AKAP13: variants seen among roughly 807,000 people sequenced by gnomAD.
The protein encoded by AKAP13 is A-kinase anchoring protein 13, also known as A-kinase anchor protein 13.
A neutral mutation model predicts 264.5 loss-of-function variants in AKAP13; 80 were observed. The observed-to-expected ratio is 0.30, with a 90% CI of 0.25 to 0.36. The LOEUF is 0.36. Ranked by LOEUF, AKAP13 falls within the 10% of genes least tolerant of loss-of-function variation. The pLI, the probability that AKAP13 is intolerant of heterozygous loss-of-function variation, is 1.00. For missense variants in AKAP13, 3,712 were observed against 3,435.2 expected, an observed-to-expected ratio of 1.08 and a Z score of -2.01; for synonymous variants, 1,380 against 1,250.2, an observed-to-expected ratio of 1.10 and a Z score of -2.19.
chr15:85,586,460 T>A (rs934496477), intron 8 of AKAP13, among the ~76,000 whole-genome samples: 1 of 152,140 alleles, frequency 6.6e-6, no homozygotes, highest in African/African-American at 2.4e-5. Flanking sequence ...TGCCTCAGCC[T>A]CCCAAAGTGC....
At chr15:85,535,745 A>G (rs1045302280) in intron 4 of AKAP13, 6 of 151,110 alleles carry the variant, frequency 4.0e-5, no homozygotes, top group African/African-American at 1.2e-4. Context: ...AAAAACAACT[A>G]TTAGAAAAAG....
chr15:85,707,584 T>G (rs2086369784), intron 17 of AKAP13, among the ~76,000 whole-genome samples: 1 of 152,256 alleles, frequency 6.6e-6, no homozygotes, highest in Non-Finnish European at 1.5e-5. Flanking sequence ...AATTTAGACT[T>G]ACACATTGAT....
intron 5 of AKAP13, among the ~76,000 whole-genome samples, chr15:85,560,066 GTCATGGTTTATTACTCCTGTGT>G (rs1298732640): frequency 7.1e-6 from 1 of 141,436 alleles, no homozygotes; most frequent in Non-Finnish European, 1.5e-5. Flanking sequence ...AGATGTCTGC[GTCATGGTTTATTACTCCTGTGT>G]TCGTTTCAAG....
At chr15:85,615,890 A>T (rs1471381337) in intron 8 of AKAP13, among the ~76,000 whole-genome samples, 1 of 152,200 alleles carries the variant, frequency 6.6e-6, no homozygotes, top group Non-Finnish European at 1.5e-5. Context: ...TAATTTTTCC[A>T]TTCTGGAAAT....
rs937952660 is a variant in AKAP13 at position 85,483,559 on chromosome 15, G to C, written c.-11-2151G>C. On this transcript the variant is annotated intron_variant, in intron 1 of 36. Transcript: ENST00000394518. Reference sequence around the variant, plus strand: ...GATAATGGCGTGAACCCGGGAAGCGGAGCTTGCAGTGAGCCGAGATTGCGC... The same window carrying C: ...GATAATGGCGTGAACCCGGGAAGCGCAGCTTGCAGTGAGCCGAGATTGCGC... 1.2e-4 allele frequency among the ~76,000 whole-genome samples: 17 copies of C among 147,598 alleles called. 1 individual carries two copies. Among genetic ancestry groups the C allele is most frequent in the Admixed American group, 1.1e-3 (17 of 14,912 alleles).
At chr15:85,567,201 G>A (rs35687469) in intron 5 of AKAP13, among the ~76,000 whole-genome samples, 29,787 of 151,496 alleles carry the variant, frequency 0.2, 3,323 homozygotes, top group East Asian at 0.35. Context: ...TCCACCTCCC[G>A]GGTTCAAACG....
chr15:85,591,216 A>G lies in AKAP13; in HGVS notation c.4161+5393A>G, dbSNP rs1472628133. On this transcript the variant is annotated intron_variant, in intron 8 of 36. Coordinates refer to ENST00000394518, the MANE Select transcript of AKAP13 (RefSeq NM_007200.5). Reference sequence around the variant, plus strand: ...TCAGCTGGACTAGAACCCAATTTCTATGTGAATAATTTTTCCCATTATACT... The same window carrying G: ...TCAGCTGGACTAGAACCCAATTTCTGTGTGAATAATTTTTCCCATTATACT... Among the ~76,000 whole-genome samples the G allele has an allele frequency of 5.2e-4, 10 of 19,242 alleles. No homozygotes were observed. In the Middle Eastern group the frequency reaches 0.078, roughly 150 times the overall value. The allele number at this position is 19,242 out of a possible 152,430, so 12.6% of individuals were successfully genotyped here.
chr15:85,489,646 A>T (rs912798502), intron 2 of AKAP13, among the ~76,000 whole-genome samples: 10 of 152,170 alleles, frequency 6.6e-5, no homozygotes, highest in African/African-American at 2.2e-4. Flanking sequence ...AGAAGGGAGA[A>T]TATTGCTGCT....
At chr15:85,405,281 A>G (rs2071610026) in intron 1 of AKAP13, among the ~76,000 whole-genome samples, 1 of 152,152 alleles carries the variant, frequency 6.6e-6, no homozygotes, top group African/African-American at 2.4e-5. Flanking sequence ...TTTACTAAAG[A>G]GCTTTGAACT....
chr15:85,412,572 T>G (rs2072028397), intron 1 of AKAP13, among the ~76,000 whole-genome samples: 1 of 152,232 alleles, frequency 6.6e-6, no homozygotes, highest in African/African-American at 2.4e-5. Flanking sequence ...ATTTTATAAA[T>G]TTTTCAGTTT....
chr15:85,404,927 G>A (rs1467647917), intron 1 of AKAP13, among the ~76,000 whole-genome samples: 1 of 152,116 alleles, frequency 6.6e-6, no homozygotes, highest in Non-Finnish European at 1.5e-5. Context: ...CATTGTGTGT[G>A]TTCATTCTTA....
chr15:85,610,374 T>G (rs2080551024), intron 8 of AKAP13, among the ~76,000 whole-genome samples: 2 of 152,222 alleles, frequency 1.3e-5, no homozygotes, highest in Non-Finnish European at 2.9e-5. Flanking sequence ...ATGAAACCTT[T>G]GTTCATATTC....
intron 1 of AKAP13, among the ~76,000 whole-genome samples, chr15:85,455,537 T>A (rs1331995343): frequency 1.3e-5 from 2 of 152,166 alleles, no homozygotes; most frequent in African/African-American, 4.8e-5. Flanking sequence ...CAACTCACAT[T>A]TCTTCAGTTT....
intron 8 of AKAP13, among the ~76,000 whole-genome samples, chr15:85,612,525 A>G (rs1015050021): frequency 6.6e-6 from 1 of 152,194 alleles, no homozygotes; most frequent in African/African-American, 2.4e-5. Flanking sequence ...TGGTATAGTT[A>G]TCATGTTTAA....
At chr15:85,692,310 G>A (rs1193577383) in intron 16 of AKAP13, among the ~76,000 whole-genome samples, 1 of 152,184 alleles carries the variant, frequency 6.6e-6, no homozygotes, top group Non-Finnish European at 1.5e-5. Context: ...TATTCACTGT[G>A]TGCCAGGCAC....
chr15:85,388,617 AATC>A (rs1171867639), intron 1 of AKAP13, among the ~76,000 whole-genome samples: 1 of 152,198 alleles, frequency 6.6e-6, no homozygotes, highest in Non-Finnish European at 1.5e-5. Context: ...TTATTGACAT[AATC>A]ATATGTTTTT....
intron 19 of AKAP13, among the ~76,000 whole-genome samples, chr15:85,713,065 C>A (rs1359575030): frequency 6.6e-6 from 1 of 152,142 alleles, no homozygotes; most frequent in Non-Finnish European, 1.5e-5. Context: ...CAGATCATAC[C>A]TATAAAGTAC....
chr15:85,426,962 T>G (rs1021658615), intron 1 of AKAP13, among the ~76,000 whole-genome samples: 13 of 148,964 alleles, frequency 8.7e-5, no homozygotes, highest in African/African-American at 3.2e-4. Flanking sequence ...TTTGTTTTTT[T>G]TTTTTTTTTT....
At chr15:85,563,072 TAGATC>T (rs1267121039) in intron 5 of AKAP13, among the ~76,000 whole-genome samples, 2 of 151,994 alleles carry the variant, frequency 1.3e-5, no homozygotes, top group Non-Finnish European at 2.9e-5. Context: ...TAATTTGTCT[TAGATC>T]AGACCATGGT....
Sources: gnomAD v4.1 joint callset for allele counts (sites outside exome capture counted in the v4.1 genomes callset) on GRCh38, gnomAD v4.1.1 for gene constraint, MANE v1.5 for transcripts, NCBI Gene and HGNC (gene_info 2026-07-23, HGNC 2026-07-21) for gene names.